Variants in PRIM2 observed in about 807,000 individuals in gnomAD.
The protein encoded by PRIM2 is DNA primase large subunit.
A neutral mutation model predicts 67.3 loss-of-function variants in PRIM2; 39 were observed. The observed-to-expected ratio is 0.58, with a 90% CI of 0.45 to 0.76. The LOEUF (loss-of-function observed/expected upper bound fraction) is 0.76, where lower values mean the gene tolerates loss of function less well. Ranked by LOEUF, PRIM2 falls within the 30% of genes least tolerant of loss-of-function variation. The pLI is 0.00. For missense variants in PRIM2, 398 were observed against 598.7 expected, an observed-to-expected ratio of 0.66 and a Z score of 3.50; for synonymous variants, 143 against 198.7, an observed-to-expected ratio of 0.72 and a Z score of 2.36.
chr6:57,574,925 C>T lies in PRIM2; in HGVS notation c.1021-26168C>T, dbSNP rs1370020802. Among the ~76,000 whole-genome samples, 6 of 152,092 alleles carry T rather than the reference C, an allele frequency of 3.9e-5. No individual in the cohort carries two copies. In the East Asian group the frequency reaches 5.8e-4, roughly 15 times the overall value. On this transcript the variant is annotated intron_variant, in intron 10 of 13. Coordinates refer to ENST00000615550, the MANE Select transcript of PRIM2 (RefSeq NM_000947.5). ...TCCCATCTAATATTTATAGAGCTCT[C>T]GGTATGTCCTGGGCATTGTTGTGGG...
chr6:57,557,235 A>G (rs1186399470), intron 10 of PRIM2, among the ~76,000 whole-genome samples: 2 of 142,198 alleles, frequency 1.4e-5, no homozygotes, highest in Admixed American at 7.3e-5. Flanking sequence ...AGAGCTAAAT[A>G]CAGAACTACC....
rs569885708 is a variant in PRIM2, at chr6:57,336,902, G to C, written c.459+10857G>C. ...AATGGACTAAATGCTCCAATTAAAA[G>C]ACACAGACTGGCAAATTGGATAAAG... On this transcript the variant is annotated intron_variant, in intron 5 of 13. Transcript: ENST00000615550. Among the ~76,000 whole-genome samples the C allele has an allele frequency of 5.5e-3, 842 of 152,156 alleles. 6 individuals are homozygous for C. The highest frequency in any genetic ancestry group is 0.019 in the African/African-American group (806 of 41,542).
At chr6:57,282,846 C>T in the PRIM2 span, among the ~76,000 whole-genome samples, 2 of 152,178 alleles carry the variant, frequency 1.3e-5, no homozygotes. Flanking sequence ...ACTACCTAGT[C>T]TGTGGTATTT....
rs9357956 is a variant in PRIM2, at chr6:57,380,613, G to A, written c.555+617G>A. Among the ~76,000 whole-genome samples the A allele has an allele frequency of 7.3e-3, 1,037 of 141,924 alleles. 2 individuals are homozygous for A. The highest frequency in any genetic ancestry group is 0.015 in the Middle Eastern group (4 of 270). The allele number at this position is 141,924 out of a possible 152,430, so 93.1% of individuals were successfully genotyped here. A position where few individuals can be genotyped will look rare whatever the true frequency, so the allele number is the denominator to read the frequency against. On this transcript the variant is annotated intron_variant, in intron 6 of 13. Coordinates refer to ENST00000615550, the MANE Select transcript of PRIM2 (RefSeq NM_000947.5). ...AAATTCATTTTACAATTTGATAACT[G>A]CAACCCCACAATTTCCTTTGAAAAG... is the stretch of plus-strand genomic sequence containing the variant.
At chr6:57,278,741 C>G in the PRIM2 span, among the ~76,000 whole-genome samples, 1 of 151,810 alleles carries the variant, frequency 6.6e-6, no homozygotes, top group Admixed American at 6.6e-5. Context: ...GAGGGAGTGG[C>G]TTCAGCCAGG....
chr6:57,286,320 A>G, the PRIM2 span, among the ~76,000 whole-genome samples: 1 of 152,240 alleles, frequency 6.6e-6, no homozygotes, highest in East Asian at 1.9e-4. Flanking sequence ...AGCAAAAAGA[A>G]CAAAGCTGGA....
chr6:57,313,125 T>C (rs894945661), upstream of PRIM2, among the ~76,000 whole-genome samples: 3 of 152,220 alleles, frequency 2.0e-5, no homozygotes, highest in African/African-American at 2.4e-5. Flanking sequence ...TGAAATGCTA[T>C]TCTCCTAAAG....
At chr6:57,229,017 T>G in the PRIM2 span, among the ~76,000 whole-genome samples, 1 of 152,236 alleles carries the variant, frequency 6.6e-6, no homozygotes, top group Admixed American at 6.5e-5. Flanking sequence ...CAATGATATA[T>G]CTTTTTCTCC....
chr6:57,458,594 C>T (rs556575122), intron 7 of PRIM2, among the ~76,000 whole-genome samples: 2 of 152,088 alleles, frequency 1.3e-5, no homozygotes, highest in African/African-American at 4.8e-5. Context: ...CTGAGGAAGG[C>T]GAATTCCTTG....
chr6:57,607,793 ATAT>A (rs1321014235), intron 12 of PRIM2, among the ~76,000 whole-genome samples: 1 of 152,212 alleles, frequency 6.6e-6, no homozygotes, highest in Non-Finnish European at 1.5e-5. Context: ...CTATGTTAAC[ATAT>A]TATGTCTGCA....
intron 9 of PRIM2, among the ~76,000 whole-genome samples, chr6:57,535,557 T>C (rs1352384881): frequency 2.6e-5 from 4 of 152,226 alleles, no homozygotes; most frequent in Non-Finnish European, 5.9e-5. Context: ...TGTTCTGTTA[T>C]GTATAATTGA....
chr6:57,314,188 C>A (rs1767437079), upstream of PRIM2, among the ~76,000 whole-genome samples: 1 of 152,200 alleles, frequency 6.6e-6, no homozygotes, highest in Non-Finnish European at 1.5e-5. Flanking sequence ...CTGAACCCAG[C>A]ATTTTTTTTC....
chr6:57,325,855 A>G, intron 4 of PRIM2, 70 bp from the exon 5 acceptor site: 5 of 1,453,282 alleles, frequency 3.4e-6, no homozygotes, highest in East Asian at 2.5e-5. Flanking sequence ...ATATTGTTTT[A>G]TAAACATTTC....
chr6:57,318,764 T>C (rs560322939), intron 2 of PRIM2, 165 bp downstream of exon 2: 35 of 197,750 alleles, frequency 1.8e-4, no homozygotes, highest in Middle Eastern at 5.0e-3. Context: ...CAAATATTTG[T>C]TGAGGGTTTG....
chr6:57,328,198 G>A (rs896683564), intron 5 of PRIM2, among the ~76,000 whole-genome samples: 1 of 152,150 alleles, frequency 6.6e-6, no homozygotes, highest in Admixed American at 6.5e-5. Context: ...TAGATTTATT[G>A]AGCTAGAATT....
At chr6:57,627,106 C>T (rs1175193384) in intron 12 of PRIM2, among the ~76,000 whole-genome samples, 1 of 150,298 alleles carries the variant, frequency 6.7e-6, no homozygotes, top group Non-Finnish European at 1.5e-5. Flanking sequence ...CATGGCAAAA[C>T]CCCATCTCTA....
At position 57,382,073 on chromosome 6, in the gene PRIM2, G is replaced by A. The variant is rs377340468; in HGVS notation, c.598G>A (p.Val200Ile). Residue 200 changes from valine to isoleucine, a missense_variant, in exon 7 of 14, where the codon GTC becomes ATC. Around this residue, in one of 4 missense-constraint regions of PRIM2, gnomAD observed 229 missense variants for 383.6 expected, o/e 0.60. Transcript: ENST00000615550. ...DALDLFRGRK[V>I]YLEDGFAYVP... ...TCTGGATTTGTTTCGAGGAAGGAAA[G>A]TCTATTTGGAAGATGGCTTTGCTTA... 3.2e-5 allele frequency: 52 copies of A among 1,612,762 alleles called. No individual in the cohort carries two copies. Among genetic ancestry groups the A allele is most frequent in the Non-Finnish European group, 4.3e-5 (51 of 1,179,274 alleles).
At chr6:57,434,112 C>T (rs762840444) in intron 7 of PRIM2, among the ~76,000 whole-genome samples, 1 of 151,804 alleles carries the variant, frequency 6.6e-6, no homozygotes, top group Admixed American at 6.6e-5. Context: ...TTAGTAGAGA[C>T]GGGGTTTCTC....
intron 7 of PRIM2, among the ~76,000 whole-genome samples, chr6:57,389,261 G>A (rs1770250585): frequency 6.6e-6 from 1 of 152,110 alleles, no homozygotes; most frequent in Admixed American, 6.5e-5. Context: ...TGTGCCAACA[G>A]TGCCTGGCTA....
Sources: gnomAD v4.1 joint callset for allele counts (sites outside exome capture counted in the v4.1 genomes callset) on GRCh38, gnomAD v4.1.1 for gene constraint, gnomAD v4.1.1 regional missense constraint, MANE v1.5 for transcripts, NCBI Gene and HGNC (gene_info 2026-07-23, HGNC 2026-07-21) for gene names.